The following ZNF584 variants were observed in gnomAD, a reference collection of about 807,000 sequenced individuals.
ZNF584 encodes zinc finger protein 584.
Under a neutral mutation model 14.7 loss-of-function variants are expected in ZNF584, and 12 were observed. The ratio of observed to expected loss-of-function variants is 0.82; its 90% CI spans 0.52 to 1.32. The LOEUF is 1.32. ZNF584 is among the 40% of genes most tolerant of loss of function. ZNF584 has a pLI of 0.00. For synonymous variants in ZNF584, 204 were observed against 190.9 expected, an observed-to-expected ratio of 1.07 and a Z score of -0.57; for missense variants, 478 against 518.8, an observed-to-expected ratio of 0.92 and a Z score of 0.76.
chr19:58,417,791 G>C lies in ZNF584; in HGVS notation c.*7G>C. The C allele has an allele frequency of 3.1e-6, 5 of 1,589,462 alleles. No homozygotes were observed. The highest frequency in any genetic ancestry group is 4.3e-6 in the Non-Finnish European group (5 of 1,167,904). ...GAAGGTCGTTAGCTGCTAGCACCGT[G>C]TTCATCAGGAAAGGTCTTATTCCAG... On this transcript the variant is annotated 3_prime_UTR_variant, in exon 4 of 4. Transcript: ENST00000306910.
Position 58,417,505 on chromosome 19 carries a change from G to A in ZNF584, c.987G>A (p.Lys329=), listed in dbSNP as rs1568589839. 4.3e-6 allele frequency: 7 copies of A among 1,614,074 alleles called. No individual in the cohort carries two copies. Among genetic ancestry groups the A allele is most frequent in the South Asian group, 2.2e-5 (2 of 91,090 alleles). Residue 329 remains lysine, a synonymous_variant, in exon 4 of 4, where the codon AAG becomes AAA. Transcript: ENST00000306910. ...CTGGAGAAAGGCCTTTTGAATGCAA[G>A]CAATGTGGGAAAGGCTACGTGACCC... ...VHTGERPFEC[K]QCGKGYVTRS...
Position 58,417,346 on chromosome 19 carries a change from T to TA in ZNF584, c.832dup (p.Thr278AsnfsTer22), listed in dbSNP as rs746396233. The stretch of plus-strand genomic sequence containing the variant: ...GGCCTTACGAGTGCAGCAAATGTGG[T>TA]AAAACCTTCAGTGTTCTGTCTACCC... On this transcript the variant is annotated frameshift_variant, in exon 4 of 4. Transcript: ENST00000306910. LOFTEE classifies it low-confidence loss of function (END_TRUNC). The TA allele has an allele frequency of 6.2e-7, 1 of 1,614,034 alleles. No individual in the cohort carries two copies. The highest frequency in any genetic ancestry group is 1.7e-5 in the Admixed American group (1 of 59,996).
chr19:58,406,386 G>C (rs911511601), upstream of ZNF584: 3 of 143,490 alleles, frequency 2.1e-5, no homozygotes, highest in Admixed American at 7.5e-5. Flanking sequence ...AAGAGGAACA[G>C]ATTTTCAAGA....
chr19:58,410,542 T>TTTTTTTTTTTTTTTTTTTTTTTTTTTG (rs1568584343), intron 2 of ZNF584, among the ~76,000 whole-genome samples: 1 of 15,382 alleles, frequency 6.5e-5, no homozygotes, highest in Non-Finnish European at 1.4e-4. Flanking sequence ...TATATATATA[T>TTTTTTTTTTTTTTTTTTTTTTTTTTTG]ATATATATAT....
upstream of ZNF584, chr19:58,405,292 AC>A (rs1568580062): frequency 1.2e-4 from 12 of 97,526 alleles, 2 homozygotes; most frequent in African/African-American, 4.2e-4. Flanking sequence ...TCCCTCCCGG[AC>A]GGAGCGGCTG....
At chr19:58,402,201 T>C (rs1302553701) in intron 1 of ZNF584, among the ~76,000 whole-genome samples, 11 of 152,014 alleles carry the variant, frequency 7.2e-5, no homozygotes, top group African/African-American at 2.2e-4. Flanking sequence ...TCCCAGGGAG[T>C]AGGCTAGAGT....
rs1472728617 is a variant in ZNF584, at chr19:58,417,557, G to A, written c.1039G>A (p.Val347Ile). ...TRSGLYQHWK[V>I]HTGERPYECS... ...TTCAGGCCTCTATCAGCACTGGAAAGTCCACACTGGGGAACGGCCCTATGA... is the reference window on the plus strand; with the variant it reads ...TTCAGGCCTCTATCAGCACTGGAAAATCCACACTGGGGAACGGCCCTATGA... The change falls in exon 4 of 4, where the codon GTC becomes ATC. Residue 347 changes from valine to isoleucine, a missense_variant. Val to Ile is a conservative substitution (Grantham distance 29). This residue lies in a region of ZNF584 where 283 missense variants were observed against 317.3 expected (regional missense o/e 0.89). Coordinates refer to ENST00000306910, the MANE Select transcript of ZNF584 (RefSeq NM_173548.3). 1 of 1,614,208 alleles carries A rather than the reference G, an allele frequency of 6.2e-7. No homozygotes were observed. Among genetic ancestry groups the A allele is most frequent in the East Asian group, 2.2e-5 (1 of 44,876 alleles).
chr19:58,412,161 A>G (rs540369901), intron 2 of ZNF584, among the ~76,000 whole-genome samples: 113 of 117,684 alleles, frequency 9.6e-4, no homozygotes, highest in African/African-American at 3.9e-3. Flanking sequence ...TTTTATTTTT[A>G]GTAGAGACAG....
In ZNF584 at chr19:58,417,337, C is replaced by T. The variant is rs778888367; in HGVS notation, c.819C>T (p.Ser273=). 41 of 1,613,854 alleles carry T rather than the reference C, an allele frequency of 2.5e-5. No individual in the cohort carries two copies. Among genetic ancestry groups the T allele is most frequent in the Admixed American group, 5.0e-5 (3 of 59,976 alleles). Residue 273 remains serine (S), a synonymous_variant, in exon 4 of 4, where the codon AGC becomes AGT. Transcript: ENST00000306910. ...CTGGAGAAAGGCCTTACGAGTGCAG[C>T]AAATGTGGTAAAACCTTCAGTGTTC... ...IHTGERPYEC[S]KCGKTFSVLS...
upstream of ZNF584, chr19:58,405,346 G>A: frequency 1.0e-5 from 1 of 96,334 alleles, no homozygotes; most frequent in South Asian, 2.8e-4. Context: ...GGGCGGCCGG[G>A]CAGAGGCGCC....
intron 3 of ZNF584, chr19:58,416,562 C>A (rs536174809): frequency 8.9e-6 from 3 of 336,990 alleles, no homozygotes; most frequent in East Asian, 9.5e-5. Context: ...ATCACCACAC[C>A]CGGCTAATTT....
In ZNF584 at chr19:58,417,215, C is replaced by G. The variant is rs368932794; in HGVS notation, c.697C>G (p.Gln233Glu). The G allele has an allele frequency of 6.2e-7, 1 of 1,613,992 alleles. No homozygotes were observed. ...TTACCCGTCTAAGCTGAGGAAACAC[C>G]AGAAGGTTCACACAGGCATAAAACC... is the stretch of plus-strand genomic sequence containing the variant. ...FSYPSKLRKH[Q>E]KVHTGIKPFK... The change falls in exon 4 of 4, where the codon CAG becomes GAG. Residue 233 changes from glutamine (Q) to glutamate (E), a missense_variant. Physicochemically the swap from Gln to Glu is conservative, Grantham distance 29. Around this residue, in one of 3 missense-constraint regions of ZNF584, gnomAD observed 283 missense variants for 317.3 expected, o/e 0.89. Transcript: ENST00000306910.
Position 58,415,524 on chromosome 19 carries a change from G to T in ZNF584, c.170G>T (p.Gly57Val). 2 of 1,612,058 alleles carry T rather than the reference G, an allele frequency of 1.2e-6. No homozygotes were observed. Among genetic ancestry groups the T allele is most frequent in the South Asian group, 1.1e-5 (1 of 90,862 alleles). ...TTCTTTTACTACCTGTCACCCGCAGGACTTGCACCTTCGAGATCCCCTGTG... is the reference window on the plus strand; with the variant it reads ...TTCTTTTACTACCTGTCACCCGCAGTACTTGCACCTTCGAGATCCCCTGTG... ...LENFALVSSL[G>V]LAPSRSPVFT... The change falls in exon 3 of 4, where the codon GGA becomes GTA. Residue 57 changes from glycine (G) to valine (V), a missense_variant and splice_region_variant. Transcript: ENST00000306910.
At position 58,409,069 on chromosome 19, in the gene ZNF584, C is replaced by T. The variant is rs953183728; in HGVS notation, c.-79C>T. ...AGAGCTTCCCGGGAAGGTTCCACGG[C>T]GGCCGAGGGTTTCCGCGCCCGGGAC... is the stretch of plus-strand genomic sequence containing the variant. On this transcript the variant is annotated 5_prime_UTR_variant, in exon 1 of 4. Coordinates refer to ENST00000306910, the MANE Select transcript of ZNF584 (RefSeq NM_173548.3). The T allele has an allele frequency of 4.8e-6, 7 of 1,447,490 alleles. No homozygotes were observed. In the African/African-American group the frequency reaches 8.8e-5, roughly 18 times the overall value. The allele number at this position is 1,447,490 out of a possible 1,614,324, so 89.7% of individuals were successfully genotyped here. A position where few individuals can be genotyped will look rare whatever the true frequency, so the allele number is the denominator to read the frequency against.
chr19:58,416,135 T>A, intron 3 of ZNF584: 1 of 577,312 alleles, frequency 1.7e-6, no homozygotes, highest in Non-Finnish European at 3.0e-6. Context: ...TCCTATCTTG[T>A]GCCCTCATCT....
Position 58,409,085 on chromosome 19 carries a change from C to T in ZNF584, c.-63C>T, listed in dbSNP as rs915869246. ...GTTCCACGGCGGCCGAGGGTTTCCG[C>T]GCCCGGGACGCGTTTCGGCTGAGGC... is the stretch of plus-strand genomic sequence containing the variant. On this transcript the variant is annotated 5_prime_UTR_variant, in exon 1 of 4. Coordinates refer to ENST00000306910, the MANE Select transcript of ZNF584 (RefSeq NM_173548.3). The T allele has an allele frequency of 2.1e-5, 30 of 1,456,766 alleles. No individual in the cohort carries two copies. The South Asian group carries it at 3.2e-4, about 16-fold the overall frequency. 90.2% of individuals were successfully genotyped at this position (1,456,766 alleles called of 1,614,324 possible).
chr19:58,413,533 G>A (rs2052602332), intron 2 of ZNF584, among the ~76,000 whole-genome samples: 1 of 146,262 alleles, frequency 6.8e-6, no homozygotes, highest in Non-Finnish European at 1.5e-5. Flanking sequence ...TTTTTGAGGT[G>A]GAGTCTGATG....
rs1382336445 is a variant in ZNF584 at position 58,416,977 on chromosome 19, T to G, written c.459T>G (p.His153Gln). 6.2e-7 allele frequency: 1 copy of G among 1,612,086 alleles called. No homozygotes were observed. The highest frequency in any genetic ancestry group is 1.3e-5 in the African/African-American group (1 of 74,882). ...GSSCGQQQEV[H>Q]VAEKLFKCSD... ...GTTGTGGGCAACAGCAAGAAGTCCA[T>G]GTGGCAGAGAAGCTGTTCAAATGCA... is the stretch of plus-strand genomic sequence containing the variant. Residue 153 changes from histidine (H) to glutamine (Q), a missense_variant, in exon 4 of 4, where the codon CAT becomes CAG. Physicochemically the swap from His to Gln is conservative, Grantham distance 24. This residue lies in a region of ZNF584 where 6 missense variants were observed against 23.5 expected (regional missense o/e 0.26). Coordinates refer to ENST00000306910, the MANE Select transcript of ZNF584 (RefSeq NM_173548.3).
chr19:58,412,183 T>C (rs1394059991), intron 2 of ZNF584, among the ~76,000 whole-genome samples: 1 of 146,202 alleles, frequency 6.8e-6, no homozygotes, highest in Non-Finnish European at 1.5e-5. Context: ...GGTTTCACCA[T>C]GTTGGCCAGG....
Sources: allele counts gnomAD v4.1 joint callset (sites outside exome capture counted in the v4.1 genomes callset), GRCh38; gene constraint gnomAD v4.1.1; regional missense constraint gnomAD v4.1.1; transcripts MANE v1.5; gene names NCBI Gene and HGNC (gene_info 2026-07-23, HGNC 2026-07-21).